Variants in CSMD2 observed in about 807,000 individuals in gnomAD.
The protein encoded by CSMD2 is CUB and sushi domain-containing protein 2.
A neutral mutation model predicts 398.5 loss-of-function variants in CSMD2; 130 were observed. The observed-to-expected ratio is 0.33, with a 90% CI of 0.28 to 0.38. The LOEUF (loss-of-function observed/expected upper bound fraction) is 0.38, where lower values mean the gene tolerates loss of function less well. Ranked by LOEUF, CSMD2 falls within the 10% of genes least tolerant of loss-of-function variation. The pLI is 1.00. For missense variants in CSMD2, 3,829 were observed against 4,764.9 expected (o/e 0.80, Z 5.78); for synonymous variants, 1,828 against 1,908.5 (o/e 0.96, Z 1.10).
chr1:34,144,454 T>C (rs907348234), intron 1 of CSMD2, among the ~76,000 whole-genome samples: 1 of 152,182 alleles, frequency 6.6e-6, no homozygotes, highest in Non-Finnish European at 1.5e-5. Flanking sequence ...TAACTTGGCA[T>C]ACTTAGCTCA....
chr1:33,818,532 T>A (rs1213535349), intron 9 of CSMD2, among the ~76,000 whole-genome samples: 4 of 152,234 alleles, frequency 2.6e-5, no homozygotes, highest in Non-Finnish European at 4.4e-5. Flanking sequence ...TAAGAAAGGC[T>A]TAGGGAAAAT....
rs1184096848 is a variant in CSMD2, at chr1:33,714,671, C to T, written c.3322G>A (p.Gly1108Arg). ...GDTLTFSCFPGYRLEGTARIT... is the reference protein window; with the variant it reads ...GDTLTFSCFPRYRLEGTARIT... ...CGGGCGGTGCCCTCCAGACGGTACC[C>T]GGGGAAGCAGGAGAAGGTCAAGGTG... Residue 1108 changes from glycine to arginine, a missense_variant, in exon 21 of 71, where the codon GGG (glycine) becomes AGG (arginine). Gly to Arg is a moderately radical substitution (Grantham distance 125). Transcript: ENST00000373381. 2.5e-6 allele frequency: 4 copies of T among 1,613,898 alleles called. No individual in the cohort carries two copies. The highest frequency in any genetic ancestry group is 4.5e-5 in the East Asian group (2 of 44,894).
chr1:33,587,013 G>C, intron 45 of CSMD2, 75 bp downstream of exon 45: 3 of 1,206,190 alleles, frequency 2.5e-6, no homozygotes. Context: ...CCACTGGCCC[G>C]ACAGCTCCCC....
chr1:33,915,785 A>T (rs1643689208), intron 5 of CSMD2, among the ~76,000 whole-genome samples: 1 of 152,246 alleles, frequency 6.6e-6, no homozygotes, highest in African/African-American at 2.4e-5. Flanking sequence ...ACTATGCTAC[A>T]GTCTTACAAG....
chr1:33,829,917 GT>G (rs1480305014), intron 6 of CSMD2, among the ~76,000 whole-genome samples: 6 of 152,342 alleles, frequency 3.9e-5, no homozygotes, highest in Non-Finnish European at 8.8e-5. Flanking sequence ...TAGCACAGCA[GT>G]CTGAGATCAA....
intron 24 of CSMD2, among the ~76,000 whole-genome samples, chr1:33,698,132 T>G (rs947125160): frequency 6.6e-6 from 1 of 152,234 alleles, no homozygotes; most frequent in Non-Finnish European, 1.5e-5. Context: ...TATTTTGCAC[T>G]TCTGCCTCAG....
chr1:33,719,850 C>T (rs1646298839), intron 19 of CSMD2, among the ~76,000 whole-genome samples: 1 of 152,198 alleles, frequency 6.6e-6, no homozygotes, highest in South Asian at 2.1e-4. Flanking sequence ...AGCATAGTGG[C>T]TGGCACACAG....
intron 66 of CSMD2, among the ~76,000 whole-genome samples, chr1:33,524,187 T>C (rs1252578331): frequency 1.3e-5 from 2 of 152,210 alleles, no homozygotes; most frequent in African/African-American, 4.8e-5. Flanking sequence ...GGCATAATAT[T>C]TCATCTAGTA....
chr1:34,123,883 T>C (rs1003345837), intron 1 of CSMD2, among the ~76,000 whole-genome samples: 1 of 152,138 alleles, frequency 6.6e-6, no homozygotes, highest in Non-Finnish European at 1.5e-5. Context: ...TCCAAGGTCA[T>C]ACAACTAGGA....
chr1:33,577,001 G>T (rs1039834816), intron 49 of CSMD2, among the ~76,000 whole-genome samples: 2 of 152,106 alleles, frequency 1.3e-5, no homozygotes, highest in African/African-American at 4.8e-5. Context: ...TCCCCAGCTG[G>T]CCAGGAGGAA....
At chr1:34,012,310 T>C (rs1157206405) in intron 3 of CSMD2, among the ~76,000 whole-genome samples, 1 of 152,168 alleles carries the variant, frequency 6.6e-6, no homozygotes, top group Non-Finnish European at 1.5e-5. Context: ...AAATACCACC[T>C]TCTCAAGGTC....
At chr1:33,926,412 T>C (rs1445232092) in intron 4 of CSMD2, among the ~76,000 whole-genome samples, 2 of 152,166 alleles carry the variant, frequency 1.3e-5, no homozygotes, top group African/African-American at 4.8e-5. Flanking sequence ...TTTCTGGACT[T>C]GTGCTAGAAC....
At chr1:34,064,949 C>T (rs1001625925) in intron 2 of CSMD2, among the ~76,000 whole-genome samples, 2 of 152,094 alleles carry the variant, frequency 1.3e-5, no homozygotes, top group Non-Finnish European at 2.9e-5. Context: ...CATCAGATCT[C>T]GTGAGACTTA....
At chr1:34,043,711 A>G (rs2148196147) in intron 2 of CSMD2, among the ~76,000 whole-genome samples, 1 of 152,286 alleles carries the variant, frequency 6.6e-6, no homozygotes, top group South Asian at 2.1e-4. Flanking sequence ...GGGAACCGGG[A>G]TTTCAGGAGG....
chr1:33,594,267 CAAT>C (rs1639693061), intron 44 of CSMD2, among the ~76,000 whole-genome samples: 2 of 152,280 alleles, frequency 1.3e-5, no homozygotes, highest in Non-Finnish European at 2.9e-5. Flanking sequence ...GATAGAGTGG[CAAT>C]AATTGTAAAT....
intron 1 of CSMD2, among the ~76,000 whole-genome samples, chr1:34,104,173 G>T (rs185431868): frequency 4.6e-5 from 7 of 152,048 alleles, no homozygotes; most frequent in Admixed American, 1.3e-4. Context: ...ACTTTTTGCC[G>T]CACTAGTGAA....
intron 10 of CSMD2, among the ~76,000 whole-genome samples, chr1:33,794,744 C>A (rs906053426): frequency 6.6e-6 from 1 of 152,172 alleles, no homozygotes; most frequent in African/African-American, 2.4e-5. Flanking sequence ...CAATTCGCAG[C>A]AAGGTCTAGG....
chr1:33,669,988 C>A (rs1048652928), intron 25 of CSMD2, among the ~76,000 whole-genome samples: 1 of 152,208 alleles, frequency 6.6e-6, no homozygotes, highest in East Asian at 1.9e-4. Flanking sequence ...CCATTGAGAA[C>A]ATGATTTTGG....
At chr1:33,839,103 C>G (rs1027033740) in intron 6 of CSMD2, 1 of 152,208 alleles carries the variant, frequency 6.6e-6, no homozygotes, top group East Asian at 1.9e-4. Context: ...GGTGTCATCA[C>G]AGTAAAGGAC....
Sources: allele counts gnomAD v4.1 joint callset (sites outside exome capture counted in the v4.1 genomes callset), GRCh38; gene constraint gnomAD v4.1.1; transcripts MANE v1.5; gene names NCBI Gene and HGNC (gene_info 2026-07-23, HGNC 2026-07-21).